Variants in PTPRD observed in about 807,000 individuals in gnomAD.
The protein encoded by PTPRD is receptor-type tyrosine-protein phosphatase delta.
PTPRD carries 34 observed loss-of-function variants against 214.5 expected under a neutral mutation model. The ratio of observed to expected loss-of-function variants is 0.16; its 90% CI spans 0.12 to 0.21. The LOEUF is 0.21. PTPRD is among the 10% of genes least tolerant of loss of function. The pLI is 1.00. For synonymous variants in PTPRD, 1,128 were observed against 845.7 expected, an observed-to-expected ratio of 1.33 and a Z score of -5.79; for missense variants, 2,545 against 2,398.7, an observed-to-expected ratio of 1.06 and a Z score of -1.27.
chr9:8,762,198 G>A (rs1484142671), intron 11 of PTPRD, among the ~76,000 whole-genome samples: 2 of 152,030 alleles, frequency 1.3e-5, no homozygotes, highest in Non-Finnish European at 2.9e-5. Context: ...TTTTTCCTCT[G>A]CATTCAATAG....
At chr9:10,432,443 AAAAG>A (rs1018851937) in intron 2 of PTPRD, among the ~76,000 whole-genome samples, 1 of 152,012 alleles carries the variant, frequency 6.6e-6, no homozygotes, top group African/African-American at 2.4e-5. Flanking sequence ...TAATAAAAAA[AAAAG>A]AAAGGTTTCT....
At chr9:9,631,270 T>C (rs1413286749) in intron 7 of PTPRD, among the ~76,000 whole-genome samples, 1 of 146,462 alleles carries the variant, frequency 6.8e-6, no homozygotes, top group Non-Finnish European at 1.5e-5. Flanking sequence ...CTGGGTGGAG[T>C]ATAGACTCTA....
intron 7 of PTPRD, among the ~76,000 whole-genome samples, chr9:9,606,645 A>G (rs766184296): frequency 6.6e-6 from 1 of 152,024 alleles, no homozygotes; most frequent in Non-Finnish European, 1.5e-5. Context: ...CCTGAATTTT[A>G]GCCTGTAGAA....
intron 36 of PTPRD, among the ~76,000 whole-genome samples, chr9:8,390,533 T>C (rs10435748): frequency 0.11 from 13,258 of 118,704 alleles, 1,495 homozygotes; most frequent in East Asian, 0.54. Context: ...AATTATATAT[T>C]TACTTGTCTG....
chr9:9,183,390 T>C (rs1007581297), intron 9 of PTPRD, 27 bp from the exon 10 acceptor site: 1 of 151,406 alleles, frequency 6.6e-6, no homozygotes, highest in Non-Finnish European at 1.5e-5. Context: ...AAAGTAACAA[T>C]TATTTAAAAA....
intron 7 of PTPRD, among the ~76,000 whole-genome samples, chr9:9,575,270 T>C (rs117002767): frequency 0.018 from 2,716 of 152,236 alleles, 46 homozygotes; most frequent in Middle Eastern, 0.027. Flanking sequence ...TTCTATAAAG[T>C]ATGTAATAAT....
At chr9:10,533,692 C>T (rs1380297850) in intron 2 of PTPRD, among the ~76,000 whole-genome samples, 1 of 151,362 alleles carries the variant, frequency 6.6e-6, no homozygotes, top group African/African-American at 2.4e-5. Context: ...TAATATGCAC[C>T]CAATTATATA....
At chr9:9,449,674 C>T (rs1331793936) in intron 8 of PTPRD, among the ~76,000 whole-genome samples, 1 of 151,928 alleles carries the variant, frequency 6.6e-6, no homozygotes, top group East Asian at 1.9e-4. Context: ...AAACTTATGG[C>T]TAAATGATTT....
intron 12 of PTPRD, among the ~76,000 whole-genome samples, chr9:8,708,536 G>A (rs965059110): frequency 2.0e-5 from 3 of 151,754 alleles, no homozygotes; most frequent in African/African-American, 7.3e-5. Context: ...AAAATTAGCT[G>A]GGCATGGTGG....
At chr9:9,146,916 C>T (rs1049053840) in intron 10 of PTPRD, among the ~76,000 whole-genome samples, 1 of 152,114 alleles carries the variant, frequency 6.6e-6, no homozygotes, top group African/African-American at 2.4e-5. Flanking sequence ...ACACGTGGAG[C>T]AGCTGCAGTG....
At chr9:8,738,929 A>C (rs910424837) in intron 11 of PTPRD, among the ~76,000 whole-genome samples, 1 of 152,230 alleles carries the variant, frequency 6.6e-6, no homozygotes, top group East Asian at 1.9e-4. Flanking sequence ...ATACATGCAT[A>C]AAAGATATGC....
chr9:10,524,391 AT>A (rs1280195164), intron 2 of PTPRD, among the ~76,000 whole-genome samples: 2 of 152,026 alleles, frequency 1.3e-5, no homozygotes, highest in African/African-American at 4.8e-5. Flanking sequence ...TTATTTTTTA[AT>A]TTTAAGCAAC....
At chr9:10,333,346 G>A (rs1039556159) in intron 3 of PTPRD, among the ~76,000 whole-genome samples, 1 of 151,762 alleles carries the variant, frequency 6.6e-6, no homozygotes. Context: ...CTAGACACTG[G>A]AAAGGAGGGC....
At chr9:8,399,511 T>C (rs527316983) in intron 36 of PTPRD, among the ~76,000 whole-genome samples, 16 of 152,270 alleles carry the variant, frequency 1.1e-4, no homozygotes, top group Admixed American at 3.3e-4. Context: ...CAGTTTTCTG[T>C]CTCTTTATTC....
intron 9 of PTPRD, among the ~76,000 whole-genome samples, chr9:9,250,740 A>C (rs1264516164): frequency 6.6e-6 from 1 of 152,072 alleles, no homozygotes; most frequent in African/African-American, 2.4e-5. Flanking sequence ...AAACAGCAAA[A>C]ACCAAACCAA....
chr9:9,564,884 GT>G (rs1191664969), intron 8 of PTPRD, among the ~76,000 whole-genome samples: 1,508 of 48,878 alleles, frequency 0.031, 44 homozygotes, highest in African/African-American at 0.096. Context: ...TGAATCTTCT[GT>G]TTTTTTTTTT....
chr9:9,130,151 G>A (rs931027150), intron 10 of PTPRD, among the ~76,000 whole-genome samples: 8 of 152,054 alleles, frequency 5.3e-5, no homozygotes, highest in Non-Finnish European at 1.2e-4. Context: ...GGGGGCTTGG[G>A]CAATGTACAA....
intron 4 of PTPRD, among the ~76,000 whole-genome samples, chr9:9,952,286 A>G (rs2093525580): frequency 6.6e-6 from 1 of 152,188 alleles, no homozygotes; most frequent in South Asian, 2.1e-4. Context: ...GTGGAATTCT[A>G]GAATGTAAGA....
intron 33 of PTPRD, chr9:8,454,632 C>A (rs755021140): frequency 4.4e-6 from 7 of 1,608,872 alleles, no homozygotes; most frequent in Non-Finnish European, 5.1e-6. Flanking sequence ...AAAAGAAAGG[C>A]TAAATGTTAG....
Sources: allele counts gnomAD v4.1 joint callset (sites outside exome capture counted in the v4.1 genomes callset), GRCh38; gene constraint gnomAD v4.1.1; transcripts MANE v1.5; gene names NCBI Gene and HGNC (gene_info 2026-07-23, HGNC 2026-07-21).